SULT1A1: variants seen among roughly 807,000 people sequenced by gnomAD.
The protein encoded by SULT1A1 is sulfotransferase family 1A member 1, also known as sulfotransferase 1A1.
In SULT1A1, 35 loss-of-function variants were observed where a neutral mutation model predicts 36.8. The observed-to-expected ratio is 0.95, with a 90% CI of 0.73 to 1.26. The LOEUF is 1.26. SULT1A1 is among the 50% of genes most tolerant of loss of function. SULT1A1 has a pLI of 0.00. For missense variants in SULT1A1, 309 were observed against 383.0 expected (o/e 0.81, Z 1.61); for synonymous variants, 119 against 146.0 (o/e 0.82, Z 1.33).
chr16:28,622,275 C>T (rs370020688), intron 1 of SULT1A1, among the ~76,000 whole-genome samples: 4 of 152,140 alleles, frequency 2.6e-5, no homozygotes, highest in South Asian at 2.1e-4. Context: ...GATCAAAACC[C>T]GCCTCTTGGT....
chr16:28,609,445 G>A lies in SULT1A1; in HGVS notation c.-5+486C>T, dbSNP rs1184762636. On this transcript the variant is annotated intron_variant, in intron 1 of 7. Coordinates refer to ENST00000314752, the MANE Select transcript of SULT1A1 (RefSeq NM_001055.4). ...CTACTAGGGGCCAGAGCTGCTGTGG[G>A]AATGAACAAAACTCTGATGACTCAG... 2 of 1,250,914 alleles carry A rather than the reference G, an allele frequency of 1.6e-6. 1 individual carries two copies. Among genetic ancestry groups the A allele is most frequent in the Admixed American group, 4.6e-5 (2 of 43,244 alleles). 77.5% of individuals were successfully genotyped at this position (1,250,914 alleles called of 1,614,324 possible).
Position 28,605,962 on chromosome 16 carries a change from G to T in SULT1A1, c.776-29C>A, listed in dbSNP as rs754584618. 1.1e-5 allele frequency: 17 copies of T among 1,603,630 alleles called. No individual in the cohort carries two copies. The East Asian group carries it at 3.8e-4, about 36-fold the overall frequency. On this transcript the variant is annotated intron_variant, in intron 7 of 7. Coordinates refer to ENST00000314752, the MANE Select transcript of SULT1A1 (RefSeq NM_001055.4). ...GGGGAGGAAGGCAGGGAGCAAAGCT[G>T]GAGTCTCATCCCAGGGGAGGCCCCA...
At chr16:28,623,283 G>T (rs2047695026) in exon 1 of SULT1A1, 1 of 1,540,606 alleles carries the variant, frequency 6.5e-7, no homozygotes, top group Non-Finnish European at 8.7e-7. Context: ...CACCACCAAC[G>T]TGGCCACGCG....
rs139173147 is a variant in SULT1A1, at chr16:28,619,952, A to G, written c.138+111T>C. The G allele has an allele frequency of 2.4e-3, 2,309 of 945,752 alleles. 9 individuals are homozygous for G. The highest frequency in any genetic ancestry group is 2.8e-3 in the Middle Eastern group (8 of 2,878). The allele number at this position is 945,752 out of a possible 1,614,324, so 58.6% of individuals were successfully genotyped here. ...ATATACATATACACATATATACACAAAAAGTTACTGATTGTATATGTATAT... is the reference window on the plus strand; with the variant it reads ...ATATACATATACACATATATACACAGAAAGTTACTGATTGTATATGTATAT... On this transcript the variant is annotated intron_variant, in intron 2 of 5. Transcript: ENST00000350842.
chr16:28,614,062 G>C (rs2151710733), upstream of SULT1A1: 1 of 201,944 alleles, frequency 5.0e-6, no homozygotes, highest in East Asian at 1.8e-4. Context: ...CTCACTGCCG[G>C]CTTCAGCCTA....
At chr16:28,621,506 A>AAAAAAAAAAAAAAAG (rs1555485637) in intron 1 of SULT1A1, among the ~76,000 whole-genome samples, 6 of 42,452 alleles carry the variant, frequency 1.4e-4, no homozygotes, top group Non-Finnish European at 3.3e-4. Flanking sequence ...AAAAAAAAAA[A>AAAAAAAAAAAAAAAG]AAGAAGAAGA....
At chr16:28,616,786 A>G (rs2047556155) in intron 2 of SULT1A1, among the ~76,000 whole-genome samples, 1 of 152,140 alleles carries the variant, frequency 6.6e-6, no homozygotes, top group Non-Finnish European at 1.5e-5. Flanking sequence ...CCTCTGCTGC[A>G]ATTACCTAAC....
intron 1 of SULT1A1, chr16:28,620,150 C>T (rs759854204): frequency 6.2e-7 from 1 of 1,610,368 alleles, no homozygotes; most frequent in East Asian, 2.2e-5. Flanking sequence ...GCAAAAACAC[C>T]AAAAGAATTT....
chr16:28,607,165 C>T, intron 4 of SULT1A1, 88 bp from the exon 5 acceptor site: 3 of 1,582,656 alleles, frequency 1.9e-6, no homozygotes, highest in Non-Finnish European at 2.6e-6. Context: ...AAGGAGGAAC[C>T]TGAGGCTTAG....
At chr16:28,610,736 C>A (rs920806344), upstream of SULT1A1, 1 of 153,706 alleles carries the variant, frequency 6.5e-6, no homozygotes, top group Non-Finnish European at 1.5e-5. Flanking sequence ...GGTTTTATTT[C>A]CCTGGGTTTG....
chr16:28,619,714 T>A (rs1234998951), intron 2 of SULT1A1, among the ~76,000 whole-genome samples: 2 of 124,052 alleles, frequency 1.6e-5, no homozygotes, highest in Admixed American at 9.4e-5. Context: ...AATGAGACCC[T>A]GTCTCAAAAA....
intron 4 of SULT1A1, 155 bp downstream of exon 4, chr16:28,608,136 C>T (rs1288156665): frequency 1.3e-5 from 15 of 1,135,666 alleles, no homozygotes; most frequent in East Asian, 5.1e-5. Context: ...TACAGGCACC[C>T]GCCACCACAC....
chr16:28,609,341 G>C, intron 1 of SULT1A1: 1 of 1,290,236 alleles, frequency 7.8e-7, no homozygotes, highest in South Asian at 1.2e-5. Flanking sequence ...GCCCAGGCCA[G>C]CCAGGCCTGT....
At chr16:28,623,273 C>T (rs1317731539) in exon 1 of SULT1A1, 23 of 1,543,468 alleles carry the variant, frequency 1.5e-5, no homozygotes, top group Non-Finnish European at 1.9e-5. Context: ...CGTGGAAGGT[C>T]ACCACCAACG....
upstream of SULT1A1, chr16:28,610,483 A>C (rs1374823116): frequency 6.1e-6 from 2 of 330,074 alleles, no homozygotes; most frequent in South Asian, 4.9e-5. Context: ...GTTCTGGCCC[A>C]GTGCAGCCCA....
chr16:28,622,226 C>G (rs1453086575), intron 1 of SULT1A1, among the ~76,000 whole-genome samples: 4 of 146,352 alleles, frequency 2.7e-5, no homozygotes, highest in Non-Finnish European at 5.9e-5. Context: ...GAGAATATGC[C>G]CAGTGTCTTC....
intron 6 of SULT1A1, among the ~76,000 whole-genome samples, 195 bp from the exon 7 acceptor site, chr16:28,606,431 TG>T (rs1443880588): frequency 2.0e-5 from 3 of 151,890 alleles, no homozygotes; most frequent in Non-Finnish European, 4.4e-5. Context: ...CATCATGAGC[TG>T]GGCTTGGCTC....
At chr16:28,616,917 A>G (rs1424139802) in intron 2 of SULT1A1, among the ~76,000 whole-genome samples, 1 of 152,136 alleles carries the variant, frequency 6.6e-6, no homozygotes, top group African/African-American at 2.4e-5. Flanking sequence ...CCCTCTGGGC[A>G]TACCGTGGTG....
Position 28,606,836 on chromosome 16 carries a change from G to C in SULT1A1, c.519C>G (p.Tyr173Ter). 6.2e-7 allele frequency: 1 copy of C among 1,612,526 alleles called. No homozygotes were observed. The highest frequency in any genetic ancestry group is 2.2e-5 in the East Asian group (1 of 44,878). ...GCTCCCACCACTCCTGCACGTGCTG[G>C]TACCAGGATCCGTAGGACACTGGAG... is the stretch of plus-strand genomic sequence containing the variant. ...MVGEVSYGSW[Y>*]QHVQEWWELS... The change falls in exon 6 of 8, where the codon TAC becomes TAG. Residue 173 changes from tyrosine to a stop codon, truncating the protein, a stop_gained. Coordinates refer to ENST00000314752, the MANE Select transcript of SULT1A1 (RefSeq NM_001055.4). LOFTEE classifies it high-confidence loss of function.
Sources: allele counts gnomAD v4.1 joint callset (sites outside exome capture counted in the v4.1 genomes callset), GRCh38; gene constraint gnomAD v4.1.1; transcripts MANE v1.5; gene names NCBI Gene and HGNC (gene_info 2026-07-23, HGNC 2026-07-21).